Variants in TTLL8 observed in about 807,000 individuals in gnomAD.
TTLL8 encodes protein monoglycylase TTLL8.
In TTLL8, 65 loss-of-function variants were observed where a neutral mutation model predicts 77.8. The observed-to-expected ratio is 0.84, with a 90% confidence interval of 0.68 to 1.03. TTLL8 has a LOEUF of 1.03. TTLL8 is among the 50% of genes least tolerant of loss of function. TTLL8 has a pLI of 0.00. For missense variants in TTLL8, 910 were observed against 1,004.5 expected (o/e 0.91, Z 1.27); for synonymous variants, 402 against 422.8 (o/e 0.95, Z 0.60).
upstream of TTLL8, among the ~76,000 whole-genome samples, chr22:50,057,321 G>A (rs1411787885): frequency 5.6e-5 from 4 of 71,082 alleles, no homozygotes; most frequent in East Asian, 2.4e-3. Context: ...TGGGTTTGGT[G>A]TCAGGTCTGG....
chr22:50,032,141 C>T (rs1173168972), intron 10 of TTLL8, 32 bp from the exon 12 acceptor site: 3 of 1,328,546 alleles, frequency 2.3e-6, no homozygotes, highest in East Asian at 9.3e-5. Context: ...GGTGCTCAGC[C>T]TCCCTTGGCC....
chr22:50,021,938 A>G (rs2061204294), intron 12 of TTLL8, among the ~76,000 whole-genome samples: 1 of 99,310 alleles, frequency 1.0e-5, no homozygotes, highest in African/African-American at 3.7e-5. Flanking sequence ...CCTGACATGC[A>G]GTCCTCCATC....
At chr22:50,049,465 G>T in intron 2 of TTLL8, 143 bp from the exon 5 acceptor site, 1 of 891,140 alleles carries the variant, frequency 1.1e-6, no homozygotes, top group South Asian at 1.5e-5. Flanking sequence ...TGGTGGAGCA[G>T]GAGCCTCTGT....
At chr22:50,019,103 T>C (rs941792344) in intron 12 of TTLL8, among the ~76,000 whole-genome samples, 1 of 152,248 alleles carries the variant, frequency 6.6e-6, no homozygotes, top group Admixed American at 6.5e-5. Flanking sequence ...AGTCGATATA[T>C]TGCCAGGTGG....
exon 2 of TTLL8, chr22:50,050,240 T>A: frequency 1.5e-6 from 2 of 1,328,532 alleles, no homozygotes; most frequent in Non-Finnish European, 2.0e-6. Context: ...AGAGAAAATC[T>A]TCTTCTCCTA....
At chr22:50,035,332 G>T (rs1362188501) in intron 8 of TTLL8, among the ~76,000 whole-genome samples, 1 of 152,202 alleles carries the variant, frequency 6.6e-6, no homozygotes, top group African/African-American at 2.4e-5. Context: ...TGAAGACACA[G>T]GACATCGGGG....
upstream of TTLL8, among the ~76,000 whole-genome samples, chr22:50,057,185 G>GATGGGAGTCAGGTCTGGGC (rs56857237): frequency 1.4e-5 from 2 of 139,308 alleles, no homozygotes; most frequent in African/African-American, 2.7e-5. Flanking sequence ...CAGGTCTGGG[G>GATGGGAGTCAGGTCTGGGC]TTGGGGGTCA....
chr22:50,036,531 G>T (rs1281227947), intron 8 of TTLL8, among the ~76,000 whole-genome samples: 1 of 151,952 alleles, frequency 6.6e-6, no homozygotes, highest in Non-Finnish European at 1.5e-5. Context: ...GGGCTGCCCT[G>T]TTCCTGAACT....
At chr22:50,046,216 G>A (rs1385932114) in intron 4 of TTLL8, among the ~76,000 whole-genome samples, 5 of 152,174 alleles carry the variant, frequency 3.3e-5, no homozygotes, top group South Asian at 2.1e-4. Context: ...AGTGGAGGGC[G>A]TGGCAGGCCC....
intron 1 of TTLL8, among the ~76,000 whole-genome samples, chr22:50,051,916 G>T (rs1410493404): frequency 6.6e-6 from 1 of 152,144 alleles, no homozygotes; most frequent in East Asian, 1.9e-4. Context: ...CTGTGCTCTG[G>T]CAGGAAGACA....
At chr22:50,030,975 G>T in intron 11 of TTLL8, 50 bp from the exon 13 acceptor site, 1 of 1,292,462 alleles carries the variant, frequency 7.7e-7, no homozygotes, top group South Asian at 1.2e-5. Flanking sequence ...GGGATAGGGG[G>T]GGTCCCTGCA....
chr22:50,051,044 T>C (rs562642439), intron 1 of TTLL8, among the ~76,000 whole-genome samples: 64 of 152,340 alleles, frequency 4.2e-4, no homozygotes, highest in African/African-American at 1.4e-3. Flanking sequence ...TATTTTTTAG[T>C]AGAGATGGGG....
chr22:50,027,852 C>A, intron 12 of TTLL8: 3 of 969,788 alleles, frequency 3.1e-6, no homozygotes, highest in Non-Finnish European at 3.7e-6. Context: ...CCAGCTCCTC[C>A]CGGCCGTGCC....
At chr22:50,035,123 G>A (rs934869229) in intron 8 of TTLL8, among the ~76,000 whole-genome samples, 1 of 152,156 alleles carries the variant, frequency 6.6e-6, no homozygotes, top group Non-Finnish European at 1.5e-5. Context: ...GGATTGGGGG[G>A]AAGCCATGCC....
intron 6 of TTLL8, among the ~76,000 whole-genome samples, chr22:50,043,865 C>CG (rs1333219513): frequency 6.6e-6 from 1 of 151,332 alleles, no homozygotes; most frequent in African/African-American, 2.4e-5. Context: ...AGCTCGGGGG[C>CG]GGGGGGATGA....
At chr22:50,031,019 A>C in intron 11 of TTLL8, 94 bp from the exon 13 acceptor site, 3 of 1,112,982 alleles carry the variant, frequency 2.7e-6, no homozygotes, top group Non-Finnish European at 3.5e-6. Flanking sequence ...TGGTCGGGGC[A>C]CAGACCCCCA....
intron 8 of TTLL8, among the ~76,000 whole-genome samples, chr22:50,040,417 A>G (rs2061363509): frequency 6.6e-6 from 1 of 152,394 alleles, no homozygotes; most frequent in African/African-American, 2.4e-5. Context: ...ACAAGAAGTC[A>G]TAAACGAGAG....
chr22:50,046,437 C>T (rs907426439), intron 4 of TTLL8, among the ~76,000 whole-genome samples: 5 of 152,234 alleles, frequency 3.3e-5, no homozygotes, highest in East Asian at 1.9e-4. Context: ...GTGAAGTCCC[C>T]GCACCCCGAT....
At chr22:50,051,929 T>TGA (rs1194630396) in intron 1 of TTLL8, among the ~76,000 whole-genome samples, 4 of 152,154 alleles carry the variant, frequency 2.6e-5, no homozygotes, top group African/African-American at 9.7e-5. Flanking sequence ...GGAAGACATC[T>TGA]GCTCAAAGAA....
Sources: gnomAD v4.1 joint callset for allele counts (sites outside exome capture counted in the v4.1 genomes callset) on GRCh38, gnomAD v4.1.1 for gene constraint, MANE v1.5 for transcripts, NCBI Gene and HGNC (gene_info 2026-07-23, HGNC 2026-07-21) for gene names.